ZC3H12B: variants seen among roughly 807,000 people sequenced by gnomAD.
ZC3H12B encodes probable ribonuclease ZC3H12B.
Under a neutral mutation model 43.9 loss-of-function variants are expected in ZC3H12B, and 7 were observed. The observed-to-expected ratio is 0.16, with a 90% CI of 0.09 to 0.30. ZC3H12B has a LOEUF of 0.30. ZC3H12B is among the 10% of genes least tolerant of loss of function. The probability of loss-of-function intolerance (pLI) is 1.00; values close to 1 mark genes in which losing one functional copy is unlikely to be tolerated. For missense variants in ZC3H12B, 475 were observed against 670.2 expected (o/e 0.71, Z 3.22); for synonymous variants, 222 against 241.7 (o/e 0.92, Z 0.76).
the ZC3H12B span, among the ~76,000 whole-genome samples, chrX:65,157,507 A>G: frequency 8.9e-6 from 1 of 111,874 alleles, no homozygotes; most frequent in African/African-American, 3.2e-5. Flanking sequence ...TGCCATTAAT[A>G]TAGCTACACC....
the ZC3H12B span, among the ~76,000 whole-genome samples, chrX:65,070,816 G>GT: frequency 0.048 from 2,700 of 56,020 alleles, 59 homozygotes; most frequent in Middle Eastern, 0.076. Context: ...TATGATTTCT[G>GT]TTTTTTTTTT....
At chrX:65,357,175 A>G in the ZC3H12B span, 8 of 424,857 alleles carry the variant, frequency 1.9e-5, no homozygotes, top group South Asian at 2.2e-4. Context: ...ACCTCTTTTC[A>G]TTCCCAATCT....
exon 5 of ZC3H12B, chrX:65,505,742 C>T (rs2068419187): frequency 8.9e-6 from 1 of 112,579 alleles, no homozygotes; most frequent in South Asian, 3.7e-4. Flanking sequence ...CAGAGAAGCA[C>T]AAGATTCATC....
At chrX:65,212,052 A>G in the ZC3H12B span, among the ~76,000 whole-genome samples, 1 of 62,376 alleles carries the variant, frequency 1.6e-5, no homozygotes, top group Non-Finnish European at 2.6e-5. Flanking sequence ...ATAATATATA[A>G]TATATATGTT....
At chrX:65,145,057 G>T in the ZC3H12B span, among the ~76,000 whole-genome samples, 2 of 111,344 alleles carry the variant, frequency 1.8e-5, no homozygotes, top group Non-Finnish European at 3.8e-5. Flanking sequence ...CTCTAGTGCT[G>T]TCAGTGGAGT....
intron 3 of ZC3H12B, among the ~76,000 whole-genome samples, chrX:65,468,344 T>A (rs1413218455): frequency 8.9e-6 from 1 of 112,022 alleles, no homozygotes; most frequent in Admixed American, 9.5e-5. Context: ...CCATGCTGTT[T>A]TGATTACTAT....
intron 3 of ZC3H12B, among the ~76,000 whole-genome samples, chrX:65,430,246 T>C (rs1378203365): frequency 9.0e-6 from 1 of 111,024 alleles, no homozygotes; most frequent in East Asian, 2.8e-4. Context: ...AAGGCCCTCA[T>C]AGTGTGGGCT....
At chrX:65,341,451 A>G in the ZC3H12B span, among the ~76,000 whole-genome samples, 1 of 111,860 alleles carries the variant, frequency 8.9e-6, no homozygotes, top group Middle Eastern at 4.6e-3. Context: ...TGTTAAAGTC[A>G]GCTATAGAGA....
the ZC3H12B span, among the ~76,000 whole-genome samples, chrX:65,268,810 T>C: frequency 9.0e-6 from 1 of 111,453 alleles, no homozygotes; most frequent in Non-Finnish European, 1.9e-5. Context: ...AACTGGAAAG[T>C]TTTTCACTAG....
At position 65,436,942 on chromosome X, in the gene ZC3H12B, T is replaced by C. The variant is rs1156914916; in HGVS notation, n.407+38238T>C. Among the ~76,000 whole-genome samples, 7 of 110,475 alleles carry C rather than the reference T, an allele frequency of 6.3e-5. No individual in the cohort carries two copies. In the Admixed American group the frequency reaches 6.8e-4, roughly 11 times the overall value. ...AAATACTAGATCTTATTCATTTTAT[T>C]ATTATTATTATTGTTATTATTATTA... is the stretch of plus-strand genomic sequence containing the variant. On this transcript the variant is annotated intron_variant and non_coding_transcript_variant, in intron 3 of 5. Coordinates refer to the ZC3H12B transcript ENST00000617377.
At chrX:65,144,162 A>G in the ZC3H12B span, among the ~76,000 whole-genome samples, 3 of 111,552 alleles carry the variant, frequency 2.7e-5, no homozygotes, top group Non-Finnish European at 3.8e-5. Context: ...TTTTAATTAC[A>G]ATTTCAATCT....
At chrX:65,375,839 G>C (rs976376858) in intron 2 of ZC3H12B, among the ~76,000 whole-genome samples, 9 of 111,530 alleles carry the variant, frequency 8.1e-5, no homozygotes, top group Non-Finnish European at 1.7e-4. Flanking sequence ...GGACATGCTG[G>C]CTTCAGGTGA....
At chrX:65,331,944 A>AAG in the ZC3H12B span, among the ~76,000 whole-genome samples, 1 of 111,193 alleles carries the variant, frequency 9.0e-6, no homozygotes, top group African/African-American at 3.3e-5. Context: ...TGCCGTCTTA[A>AAG]TTTTGGTGGG....
chrX:65,379,877 T>A (rs1005950463), intron 2 of ZC3H12B, among the ~76,000 whole-genome samples: 2 of 111,018 alleles, frequency 1.8e-5, no homozygotes, highest in African/African-American at 3.3e-5. Flanking sequence ...ATGAAATGAA[T>A]GAAATGAAGT....
the ZC3H12B span, among the ~76,000 whole-genome samples, chrX:65,295,651 A>C: frequency 1.8e-5 from 2 of 111,822 alleles, no homozygotes; most frequent in African/African-American, 6.5e-5. Context: ...AATTAGGAGA[A>C]TATTAGTGAT....
the ZC3H12B span, among the ~76,000 whole-genome samples, chrX:65,331,611 A>G: frequency 1.8e-5 from 2 of 109,693 alleles, no homozygotes; most frequent in Admixed American, 9.8e-5. Context: ...AGTGAAAGCA[A>G]GTTTATTAGG....
the ZC3H12B span, among the ~76,000 whole-genome samples, chrX:65,240,517 C>A: frequency 3.6e-5 from 4 of 111,620 alleles, no homozygotes; most frequent in Non-Finnish European, 7.5e-5. Context: ...GAACATGCTT[C>A]TTTAGCTCAG....
At chrX:65,389,439 C>T (rs1569389642) in intron 2 of ZC3H12B, among the ~76,000 whole-genome samples, 1 of 112,507 alleles carries the variant, frequency 8.9e-6, no homozygotes, top group East Asian at 2.8e-4. Context: ...CCAAGCCAGG[C>T]ACGGGATATA....
intron 2 of ZC3H12B, among the ~76,000 whole-genome samples, chrX:65,390,197 A>C (rs2066592684): frequency 9.0e-6 from 1 of 110,746 alleles, no homozygotes; most frequent in Non-Finnish European, 1.9e-5. Context: ...CATAGGTGGG[A>C]ATTGAACAAT....
Sources: gnomAD v4.1 joint callset for allele counts (sites outside exome capture counted in the v4.1 genomes callset) on GRCh38, gnomAD v4.1.1 for gene constraint, MANE v1.5 for transcripts, NCBI Gene and HGNC (gene_info 2026-07-23, HGNC 2026-07-21) for gene names.